PLCB1: variants seen among roughly 807,000 people sequenced by gnomAD.
The protein encoded by PLCB1 is 1-phosphatidylinositol 4,5-bisphosphate phosphodiesterase beta-1.
PLCB1 carries 46 observed loss-of-function variants against 161.8 expected under a neutral mutation model. The ratio of observed to expected loss-of-function variants is 0.28; its 90% confidence interval spans 0.22 to 0.36. The LOEUF is 0.36. PLCB1 is among the 10% of genes least tolerant of loss of function. The pLI, the probability that PLCB1 is intolerant of heterozygous loss-of-function variation, is 1.00. For synonymous variants in PLCB1, 517 were observed against 503.7 expected (o/e 1.03, Z -0.35); for missense variants, 1,016 against 1,472.5 (o/e 0.69, Z 5.07).
Position 8,375,733 on chromosome 20 carries a change from G to C in PLCB1, c.246+4283G>C, listed in dbSNP as rs1352716121. 2.0e-5 allele frequency among the ~76,000 whole-genome samples: 3 copies of C among 152,090 alleles called. No homozygotes were observed. The East Asian group carries it at 5.8e-4, about 29-fold the overall frequency. ...TTAACAGGCGTAAGGAAGTTGTGCT[G>C]TCTGCTGGCATCTCTACTTCCTCAT... On this transcript the variant is annotated intron_variant, in intron 3 of 31. Transcript: ENST00000338037.
intron 3 of PLCB1, among the ~76,000 whole-genome samples, chr20:8,492,697 C>G (rs1225977106): frequency 6.6e-6 from 1 of 151,980 alleles, no homozygotes; most frequent in Non-Finnish European, 1.5e-5. Context: ...AAGTCAGGAA[C>G]TAAGAGTATC....
At chr20:8,245,362 G>A (rs1980831343) in intron 2 of PLCB1, among the ~76,000 whole-genome samples, 1 of 151,774 alleles carries the variant, frequency 6.6e-6, no homozygotes, top group Admixed American at 6.6e-5. Flanking sequence ...AGCTTTATTT[G>A]TCTTTGTGCT....
At chr20:8,577,985 A>G (rs924254415) in intron 3 of PLCB1, among the ~76,000 whole-genome samples, 4 of 152,208 alleles carry the variant, frequency 2.6e-5, no homozygotes, top group Non-Finnish European at 5.9e-5. Context: ...TCTGTAACTA[A>G]TAAGCCTGAT....
chr20:8,537,585 C>A (rs557577365), intron 3 of PLCB1, among the ~76,000 whole-genome samples: 17 of 152,230 alleles, frequency 1.1e-4, no homozygotes, highest in African/African-American at 4.1e-4. Context: ...CCCTTTCCTG[C>A]CCCGCTCATG....
intron 3 of PLCB1, among the ~76,000 whole-genome samples, chr20:8,569,759 T>C (rs1392329171): frequency 1.3e-5 from 2 of 152,178 alleles, no homozygotes; most frequent in African/African-American, 4.8e-5. Context: ...TGCACAAAAG[T>C]ATACATGCAT....
intron 14 of PLCB1, among the ~76,000 whole-genome samples, chr20:8,720,858 TAA>T (rs1390912999): frequency 2.2e-4 from 31 of 144,094 alleles, no homozygotes; most frequent in African/African-American, 6.8e-4. Context: ...TTTTTTTTTT[TAA>T]AAAAAAAAGG....
intron 23 of PLCB1, among the ~76,000 whole-genome samples, chr20:8,754,292 A>G (rs1025391428): frequency 6.6e-6 from 1 of 151,812 alleles, no homozygotes; most frequent in Non-Finnish European, 1.5e-5. Context: ...ATACAGCTAC[A>G]TGGAGTATCT....
intron 7 of PLCB1, among the ~76,000 whole-genome samples, chr20:8,656,904 A>G (rs773538491): frequency 9.2e-5 from 14 of 152,042 alleles, no homozygotes; most frequent in South Asian, 2.1e-4. Context: ...GCAGGAGACA[A>G]TTCTTAAACT....
At chr20:8,615,206 C>G (rs934512656) in intron 3 of PLCB1, among the ~76,000 whole-genome samples, 1 of 152,068 alleles carries the variant, frequency 6.6e-6, no homozygotes, top group East Asian at 1.9e-4. Flanking sequence ...ACTGTTCTGT[C>G]TAATGTCCTT....
Position 8,208,691 on chromosome 20 carries a change from C to T in PLCB1, c.177+58320C>T, listed in dbSNP as rs551102243. Among the ~76,000 whole-genome samples, 31 of 152,128 alleles carry T rather than the reference C, an allele frequency of 2.0e-4. 1 individual carries two copies. In the South Asian group the frequency reaches 6.4e-3, roughly 32 times the overall value. ...CCCTGCCCCAAGGAGTTTGTATATGCTTTTTGGTGCACATACACAAACATA... is the reference window on the plus strand; with the variant it reads ...CCCTGCCCCAAGGAGTTTGTATATGTTTTTTGGTGCACATACACAAACATA... On this transcript the variant is annotated intron_variant, in intron 2 of 31. Coordinates refer to ENST00000338037, the MANE Select transcript of PLCB1 (RefSeq NM_015192.4).
intron 31 of PLCB1, among the ~76,000 whole-genome samples, chr20:8,810,772 T>C (rs1984777731): frequency 6.6e-6 from 1 of 152,180 alleles, no homozygotes; most frequent in Non-Finnish European, 1.5e-5. Context: ...GAGACCAGCC[T>C]GGGCAACATG....
At chr20:8,356,353 A>G (rs1986362018) in intron 2 of PLCB1, among the ~76,000 whole-genome samples, 1 of 152,118 alleles carries the variant, frequency 6.6e-6, no homozygotes, top group Non-Finnish European at 1.5e-5. Flanking sequence ...CTAGGTCCCA[A>G]CCTCTGGAGT....
At chr20:8,512,283 G>A (rs528565762) in intron 3 of PLCB1, among the ~76,000 whole-genome samples, 47 of 152,086 alleles carry the variant, frequency 3.1e-4, no homozygotes, top group Admixed American at 6.5e-4. Flanking sequence ...TTTAAATAAG[G>A]CAATATTCCA....
intron 31 of PLCB1, among the ~76,000 whole-genome samples, chr20:8,867,788 T>C (rs1348933556): frequency 6.6e-6 from 1 of 152,204 alleles, no homozygotes; most frequent in African/African-American, 2.4e-5. Context: ...CAGATTCCAC[T>C]ACTTCTCAAT....
chr20:8,807,207 C>T (rs1461757203), intron 31 of PLCB1, among the ~76,000 whole-genome samples: 1 of 152,098 alleles, frequency 6.6e-6, no homozygotes, highest in Non-Finnish European at 1.5e-5. Flanking sequence ...CCAGAGAATT[C>T]AAGGTGTTGG....
intron 9 of PLCB1, among the ~76,000 whole-genome samples, chr20:8,665,044 A>G (rs1485023198): frequency 1.3e-5 from 2 of 152,182 alleles, no homozygotes; most frequent in African/African-American, 4.8e-5. Flanking sequence ...AGCACAAACC[A>G]CACGGACCGA....
intron 31 of PLCB1, among the ~76,000 whole-genome samples, chr20:8,872,792 C>T (rs545642363): frequency 2.0e-5 from 3 of 152,192 alleles, no homozygotes; most frequent in Admixed American, 6.6e-5. Flanking sequence ...TTTCCTAGTT[C>T]CCATTTGAAG....
intron 31 of PLCB1, among the ~76,000 whole-genome samples, chr20:8,828,148 T>TG (rs1310969486): frequency 2.6e-5 from 4 of 152,068 alleles, no homozygotes; most frequent in Admixed American, 6.5e-5. Flanking sequence ...TATCCTGCAT[T>TG]GGGGGGTGTG....
chr20:8,619,159 G>A (rs959019332), intron 3 of PLCB1, among the ~76,000 whole-genome samples: 9 of 152,234 alleles, frequency 5.9e-5, no homozygotes, highest in Admixed American at 4.6e-4. Flanking sequence ...AAAAGAGGCC[G>A]GGTGCGGTGG....
Sources: gnomAD v4.1 joint callset for allele counts (sites outside exome capture counted in the v4.1 genomes callset) on GRCh38, gnomAD v4.1.1 for gene constraint, MANE v1.5 for transcripts, NCBI Gene and HGNC (gene_info 2026-07-23, HGNC 2026-07-21) for gene names.